The following ENOX1 variants were observed in gnomAD, a reference collection of about 807,000 sequenced individuals.
ENOX1 encodes the protein candidate growth-related and time keeping constitutive hydroquinone (NADH) oxidase.
A neutral mutation model predicts 82.5 loss-of-function variants in ENOX1; 42 were observed. The ratio of observed to expected loss-of-function variants is 0.51; its 90% confidence interval spans 0.40 to 0.66. The LOEUF (loss-of-function observed/expected upper bound fraction) is 0.66. ENOX1 is among the 30% of genes least tolerant of loss of function. The pLI, the probability that ENOX1 is intolerant of heterozygous loss-of-function variation, is 0.00. For synonymous variants in ENOX1, 271 were observed against 282.2 expected, an observed-to-expected ratio of 0.96 and a Z score of 0.40; for missense variants, 608 against 811.6, an observed-to-expected ratio of 0.75 and a Z score of 3.05.
intron 12 of ENOX1, among the ~76,000 whole-genome samples, chr13:43,281,427 C>A (rs78382933): frequency 2.1e-3 from 325 of 152,232 alleles, no homozygotes; most frequent in Admixed American, 3.8e-3. Flanking sequence ...CCGAGTTAGA[C>A]CTTTTGCAAT....
At chr13:43,599,453 T>C (rs2081609025) in intron 2 of ENOX1, among the ~76,000 whole-genome samples, 1 of 151,950 alleles carries the variant, frequency 6.6e-6, no homozygotes, top group Admixed American at 6.5e-5. Flanking sequence ...AGAACTCAAC[T>C]GGCACCTACA....
intron 3 of ENOX1, among the ~76,000 whole-genome samples, chr13:43,428,836 A>G (rs1374674395): frequency 1.3e-5 from 2 of 152,202 alleles, no homozygotes; most frequent in Non-Finnish European, 2.9e-5. Context: ...CACAAGCTGG[A>G]TAAACCAGAA....
At chr13:43,445,395 T>C (rs1021075869) in intron 3 of ENOX1, among the ~76,000 whole-genome samples, 5 of 152,136 alleles carry the variant, frequency 3.3e-5, no homozygotes, top group Non-Finnish European at 7.4e-5. Flanking sequence ...AGTGCTGGGA[T>C]TACAGGTGTG....
intron 1 of ENOX1, among the ~76,000 whole-genome samples, chr13:43,764,515 A>G (rs1336181580): frequency 6.6e-6 from 1 of 152,236 alleles, no homozygotes; most frequent in African/African-American, 2.4e-5. Context: ...AGCAACATTT[A>G]CTGTGAAATG....
chr13:43,287,459 T>C (rs1566426446), intron 12 of ENOX1, among the ~76,000 whole-genome samples: 1 of 152,222 alleles, frequency 6.6e-6, no homozygotes, highest in Non-Finnish European at 1.5e-5. Flanking sequence ...AAGCCCTTAC[T>C]GAGGTTGGAG....
intron 3 of ENOX1, among the ~76,000 whole-genome samples, chr13:43,474,452 AG>A (rs1468731683): frequency 6.6e-6 from 1 of 152,162 alleles, no homozygotes; most frequent in African/African-American, 2.4e-5. Context: ...GATTTTTCTA[AG>A]TTTCTAACAC....
rs988402104 is a variant in ENOX1, at chr13:43,638,438, C to A, written c.-219+29041G>T. On this transcript the variant is annotated intron_variant, in intron 2 of 16. Coordinates refer to ENST00000690772, the MANE Select transcript of ENOX1 (RefSeq NM_001347969.2). ...TTTCCGAAAACTGTAATATTTGACC[C>A]CCTAATTCAGAGAAAGTTTCCTTAA... Among the ~76,000 whole-genome samples the A allele has an allele frequency of 2.6e-5, 4 of 152,040 alleles. 1 individual carries two copies. Among genetic ancestry groups the A allele is most frequent in the Admixed American group, 2.6e-4 (4 of 15,266 alleles).
chr13:43,426,611 C>T (rs2055319747), intron 3 of ENOX1, among the ~76,000 whole-genome samples: 2 of 152,064 alleles, frequency 1.3e-5, no homozygotes, highest in African/African-American at 4.8e-5. Flanking sequence ...AAAATAACAA[C>T]TTAAGAAAAT....
chr13:43,395,457 C>T (rs1216143899), intron 5 of ENOX1, among the ~76,000 whole-genome samples: 1 of 152,102 alleles, frequency 6.6e-6, no homozygotes, highest in Non-Finnish European at 1.5e-5. Context: ...CCTGGGAGGT[C>T]AAGACTGCAG....
At chr13:43,387,079 T>C (rs577391651) in intron 5 of ENOX1, among the ~76,000 whole-genome samples, 1 of 152,356 alleles carries the variant, frequency 6.6e-6, no homozygotes, top group Non-Finnish European at 1.5e-5. Context: ...ACCTTCCATA[T>C]GCCAGGCATT....
chr13:43,483,901 A>C, intron 3 of ENOX1, 108 bp downstream of exon 3: 5 of 570,606 alleles, frequency 8.8e-6, no homozygotes, highest in Non-Finnish European at 1.1e-5. Context: ...ATCTGTTTAA[A>C]ATCTACCCCC....
At chr13:43,570,097 C>A (rs1359092745) in intron 2 of ENOX1, among the ~76,000 whole-genome samples, 1 of 152,006 alleles carries the variant, frequency 6.6e-6, no homozygotes, top group East Asian at 1.9e-4. Context: ...TAAGATTTTC[C>A]ATTAGGGAGA....
intron 11 of ENOX1, among the ~76,000 whole-genome samples, chr13:43,310,757 T>C (rs2047154886): frequency 6.6e-6 from 1 of 152,068 alleles, no homozygotes; most frequent in Admixed American, 6.6e-5. Context: ...AATCAACATA[T>C]AGTTTATCAT....
intron 1 of ENOX1, among the ~76,000 whole-genome samples, chr13:43,741,374 C>T (rs910675073): frequency 2.0e-5 from 3 of 152,120 alleles, no homozygotes; most frequent in Non-Finnish European, 1.5e-5. Context: ...TGAGTCACTG[C>T]GCCCGCCTGA....
chr13:43,695,505 T>C (rs1215452634), intron 1 of ENOX1, among the ~76,000 whole-genome samples: 2 of 147,902 alleles, frequency 1.4e-5, no homozygotes, highest in East Asian at 2.0e-4. Context: ...TGAAGTGCAG[T>C]GGCGTGATCT....
chr13:43,301,262 T>C (rs2046560386), intron 11 of ENOX1, among the ~76,000 whole-genome samples: 1 of 152,182 alleles, frequency 6.6e-6, no homozygotes, highest in Admixed American at 6.5e-5. Flanking sequence ...GGGATGGAAA[T>C]TACATTTTCC....
intron 2 of ENOX1, among the ~76,000 whole-genome samples, chr13:43,519,803 A>G (rs1339252765): frequency 6.6e-6 from 1 of 152,176 alleles, no homozygotes; most frequent in East Asian, 1.9e-4. Context: ...GTCTTGTGCC[A>G]TAAGCAACCT....
intron 1 of ENOX1, among the ~76,000 whole-genome samples, chr13:43,765,138 A>C (rs1477756832): frequency 2.6e-5 from 4 of 152,216 alleles, no homozygotes; most frequent in Non-Finnish European, 5.9e-5. Context: ...TGAAACTCCT[A>C]GTTGTCATAT....
chr13:43,748,133 G>A (rs1228602730), intron 1 of ENOX1, among the ~76,000 whole-genome samples: 1 of 152,162 alleles, frequency 6.6e-6, no homozygotes, highest in African/African-American at 2.4e-5. Flanking sequence ...CATAACACGA[G>A]TTTGTTTTAA....
Sources: gnomAD v4.1 joint callset for allele counts (sites outside exome capture counted in the v4.1 genomes callset) on GRCh38, gnomAD v4.1.1 for gene constraint, MANE v1.5 for transcripts, NCBI Gene and HGNC (gene_info 2026-07-23, HGNC 2026-07-21) for gene names.